Variants in LRRC37B observed in about 807,000 individuals in gnomAD.
The protein encoded by LRRC37B is leucine rich repeat containing 37B.
In LRRC37B, 28 loss-of-function variants were observed where a neutral mutation model predicts 98.3. The observed-to-expected ratio is 0.28, with a 90% confidence interval of 0.21 to 0.39. LRRC37B has a LOEUF of 0.39. Among genes scored for constraint, LRRC37B ranks in the 10% least tolerant of loss-of-function variants. The pLI is 1.00. For synonymous variants in LRRC37B, 364 were observed against 442.7 expected, an observed-to-expected ratio of 0.82 and a Z score of 2.23; for missense variants, 938 against 1,182.7, an observed-to-expected ratio of 0.79 and a Z score of 3.03.
rs758740393 is a variant in LRRC37B at position 32,009,267 on chromosome 17, CT to C, written c.-191+1147del. Among the ~76,000 whole-genome samples, 637 of 145,594 alleles carry C rather than the reference CT, an allele frequency of 4.4e-3. 2 individuals are homozygous for C. The highest frequency in any genetic ancestry group is 6.5e-3 in the Non-Finnish European group (427 of 65,698). On this transcript the variant is annotated intron_variant, in intron 1 of 14. Coordinates refer to the LRRC37B transcript ENST00000543378. ...ATTGTTTCTGGAAAAATACTAAAAT[CT>C]TTTTTTTTTTTGAGGTAGAGTCTTG...
At position 32,035,454 on chromosome 17, in the gene LRRC37B, T is replaced by A. The variant is rs187974569; in HGVS notation, c.2130-111T>A. 199 of 1,185,924 alleles carry A rather than the reference T, an allele frequency of 1.7e-4. No individual in the cohort carries two copies. In the African/African-American group the frequency reaches 3.0e-3, roughly 18 times the overall value. The allele number at this position is 1,185,924 out of a possible 1,614,324, so 73.5% of individuals were successfully genotyped here. Reference sequence around the variant, plus strand: ...CGGCAAATAAACTATTGAAGTGGCTTGTTTTATAGAGAAGCCAAAATAGAA... The same window carrying A: ...CGGCAAATAAACTATTGAAGTGGCTAGTTTTATAGAGAAGCCAAAATAGAA... On this transcript the variant is annotated intron_variant, in intron 6 of 11. Transcript: ENST00000327564.
exon 1 of LRRC37B, chr17:32,021,764 T>G: frequency 1.2e-6 from 2 of 1,614,226 alleles, no homozygotes; most frequent in Non-Finnish European, 1.7e-6. Context: ...CTGAGATTGT[T>G]GGGATTCCAC....
chr17:32,045,196 A>G (rs1911538654), intron 7 of LRRC37B, among the ~76,000 whole-genome samples: 1 of 152,116 alleles, frequency 6.6e-6, no homozygotes, highest in Non-Finnish European at 1.5e-5. Context: ...TATTCTTTTG[A>G]ATGCTCAAAT....
chr17:32,040,684 C>T (rs1271488732), intron 7 of LRRC37B: 35 of 779,898 alleles, frequency 4.5e-5, no homozygotes, highest in East Asian at 2.4e-4. Context: ...CCCGGCTACC[C>T]GCAGTTGGAG....
chr17:32,009,714 T>G (rs976162773), intron 1 of LRRC37B, among the ~76,000 whole-genome samples: 2 of 152,018 alleles, frequency 1.3e-5, no homozygotes, highest in African/African-American at 2.4e-5. Context: ...CTCACTGCAG[T>G]CTGTCATTCC....
intron 5 of LRRC37B, among the ~76,000 whole-genome samples, chr17:32,033,292 T>TTAA (rs1911158025): frequency 7.7e-6 from 1 of 129,868 alleles, no homozygotes; most frequent in African/African-American, 3.0e-5. Flanking sequence ...AATGGAAACT[T>TTAA]TAACTCAAAA....
At chr17:32,016,436 C>T (rs1910649816), upstream of LRRC37B, among the ~76,000 whole-genome samples, 1 of 152,128 alleles carries the variant, frequency 6.6e-6, no homozygotes, top group Non-Finnish European at 1.5e-5. Context: ...TATTAATGTC[C>T]GTGGTTAAGC....
At chr17:32,045,717 T>C (rs538782127) in exon 8 of LRRC37B, 3 of 1,605,302 alleles carry the variant, frequency 1.9e-6, no homozygotes, top group East Asian at 4.5e-5. Flanking sequence ...CCTAGCCATA[T>C]GGCCTGCTGC....
chr17:32,022,779 G>GT lies in LRRC37B; in HGVS notation c.1715dup (p.Pro573AlafsTer26). The GT allele has an allele frequency of 6.2e-7, 1 of 1,613,994 alleles. No homozygotes were observed. Among genetic ancestry groups the GT allele is most frequent in the Non-Finnish European group, 8.5e-7 (1 of 1,179,878 alleles). On this transcript the variant is annotated frameshift_variant, in exon 1 of 12. Coordinates refer to ENST00000327564, the Ensembl canonical transcript of LRRC37B. LOFTEE classifies it high-confidence loss of function. ...CAGCCCAAAGCAGAGGCTCCGCCAA[G>GT]TGCCTGTGCCAGAGCCCGACACCTA...
chr17:32,052,866 G>T (rs1911797046), intron 11 of LRRC37B: 1 of 161,762 alleles, frequency 6.2e-6, no homozygotes, highest in African/African-American at 2.4e-5. Context: ...GATCACTGGA[G>T]CCCAGGAGGT....
chr17:32,033,111 C>G (rs1470978226), intron 5 of LRRC37B, among the ~76,000 whole-genome samples: 1 of 152,150 alleles, frequency 6.6e-6, no homozygotes, highest in East Asian at 1.9e-4. Context: ...TTGCAGTGAG[C>G]CAAGGTCATG....
At chr17:32,037,067 A>G (rs950035533) in intron 7 of LRRC37B, among the ~76,000 whole-genome samples, 24 of 143,008 alleles carry the variant, frequency 1.7e-4, no homozygotes, top group African/African-American at 6.1e-4. Flanking sequence ...GCTCACTGCA[A>G]CCTCTACCTC....
At chr17:32,023,848 A>G (rs1418356130) in intron 1 of LRRC37B, among the ~76,000 whole-genome samples, 2 of 152,224 alleles carry the variant, frequency 1.3e-5, no homozygotes, top group African/African-American at 4.8e-5. Flanking sequence ...AAGAGAGAGA[A>G]TACGCATAAA....
chr17:32,035,658 G>T lies in LRRC37B; in HGVS notation c.2204+19G>T. On this transcript the variant is annotated intron_variant, in intron 7 of 11. Transcript: ENST00000327564. ...AAAAACTGTAAGTTATTTTTTCTTA[G>T]ATTTATTTTTACTTAGTTGGTTTTT... 1 of 1,589,074 alleles carries T rather than the reference G, an allele frequency of 6.3e-7. No individual in the cohort carries two copies. The highest frequency in any genetic ancestry group is 1.2e-5 in the South Asian group (1 of 86,688).
At chr17:32,034,804 TTA>T in intron 5 of LRRC37B, 104 bp from the exon 9 acceptor site, 3 of 808,406 alleles carry the variant, frequency 3.7e-6, no homozygotes, top group Non-Finnish European at 6.1e-6. Context: ...AAGCAGAAAA[TTA>T]TTTTTTTTAC....
rs1320581168 is a variant in LRRC37B at position 32,042,378 on chromosome 17, C to T, written c.2205-3322C>T. The T allele has an allele frequency of 2.4e-5, 4 of 166,404 alleles. No homozygotes were observed. In the Admixed American group the frequency reaches 2.5e-4, roughly 10 times the overall value. The allele number at this position is 166,404 out of a possible 1,614,324, so 10.3% of individuals were successfully genotyped here. A position where few individuals can be genotyped will look rare whatever the true frequency, so the allele number is the denominator to read the frequency against. ...CCCCAGCACACCTCGCACGGGACCA[C>T]AGCCCCAGCCGTGCTGCTAAGGGCC... On this transcript the variant is annotated intron_variant, in intron 7 of 11. Coordinates refer to ENST00000327564, the Ensembl canonical transcript of LRRC37B.
intron 5 of LRRC37B, among the ~76,000 whole-genome samples, chr17:32,033,534 G>A (rs1445934594): frequency 6.6e-6 from 1 of 152,200 alleles, no homozygotes; most frequent in African/African-American, 2.4e-5. Context: ...GACAAGTTAT[G>A]TAACCTCTCT....
chr17:32,033,021 G>T (rs1326438483), intron 5 of LRRC37B, among the ~76,000 whole-genome samples: 2 of 152,120 alleles, frequency 1.3e-5, no homozygotes, highest in Non-Finnish European at 2.9e-5. Context: ...AAAATTAGCT[G>T]GGTGTGGTGG....
exon 1 of LRRC37B, chr17:32,022,083 G>A: frequency 1.2e-6 from 2 of 1,613,424 alleles, no homozygotes; most frequent in Non-Finnish European, 1.7e-6. Context: ...GTCCTCTATG[G>A]AGAGTCTAGC....
Sources: gnomAD v4.1 joint callset for allele counts (sites outside exome capture counted in the v4.1 genomes callset) on GRCh38, gnomAD v4.1.1 for gene constraint, MANE v1.5 for transcripts, NCBI Gene and HGNC (gene_info 2026-07-23, HGNC 2026-07-21) for gene names.